Variants in DNAJC13 observed in about 807,000 individuals in gnomAD.
DNAJC13 encodes the protein DnaJ heat shock protein family (Hsp40) member C13, also known as dnaJ homolog subfamily C member 13.
In DNAJC13, 75 loss-of-function variants were observed where a neutral mutation model predicts 290.5. That is an observed-to-expected ratio of 0.26 (90% CI 0.21 to 0.31). The LOEUF (loss-of-function observed/expected upper bound fraction) is 0.31, where lower values mean the gene tolerates loss of function less well. Ranked by LOEUF, DNAJC13 falls within the 10% of genes least tolerant of loss-of-function variation. DNAJC13 has a pLI of 1.00. For missense variants in DNAJC13, 2,260 were observed against 2,674.5 expected (o/e 0.85, Z 3.42); for synonymous variants, 862 against 892.0 (o/e 0.97, Z 0.60).
chr3:132,528,344 T>C lies in DNAJC13; in HGVS notation c.6525+12T>C, dbSNP rs1229237363. 5 of 1,613,318 alleles carry C rather than the reference T, an allele frequency of 3.1e-6. No individual in the cohort carries two copies. The highest frequency in any genetic ancestry group is 4.2e-6 in the Non-Finnish European group (5 of 1,179,592). On this transcript the variant is annotated intron_variant, in intron 54 of 55. Coordinates refer to ENST00000260818, the MANE Select transcript of DNAJC13 (RefSeq NM_015268.4). ...AGTATGGAGAACAGGTGAGTCTGCA[T>C]AGAGTCAACTTTTGATATTCTAAAA... is the stretch of plus-strand genomic sequence containing the variant.
At chr3:132,521,519 C>T (rs950800821) in intron 48 of DNAJC13, among the ~76,000 whole-genome samples, 4 of 152,182 alleles carry the variant, frequency 2.6e-5, no homozygotes, top group Non-Finnish European at 1.5e-5. Flanking sequence ...TTTAGCTCCA[C>T]AGTGAAAAAA....
intron 54 of DNAJC13, 21 bp downstream of exon 54, chr3:132,528,353 C>A (rs1218086128): frequency 2.5e-6 from 4 of 1,612,134 alleles, no homozygotes. Context: ...ATAGAGTCAA[C>A]TTTTGATATT....
At chr3:132,422,086 A>G (rs1359424541) in intron 1 of DNAJC13, among the ~76,000 whole-genome samples, 1 of 151,224 alleles carries the variant, frequency 6.6e-6, no homozygotes, top group South Asian at 2.1e-4. Flanking sequence ...GCTGGAATGC[A>G]GTGACACGAT....
At chr3:132,419,723 A>G (rs1382526301) in intron 1 of DNAJC13, among the ~76,000 whole-genome samples, 3 of 152,246 alleles carry the variant, frequency 2.0e-5, no homozygotes, top group African/African-American at 7.2e-5. Context: ...GATAAACTGC[A>G]GCACAAATTT....
At chr3:132,513,785 T>A (rs1360725147) in intron 45 of DNAJC13, among the ~76,000 whole-genome samples, 2 of 152,154 alleles carry the variant, frequency 1.3e-5, no homozygotes, top group Admixed American at 1.3e-4. Flanking sequence ...CACAAGTAGT[T>A]CTTTGCCCAG....
At chr3:132,427,318 G>T (rs1399163782) in intron 1 of DNAJC13, among the ~76,000 whole-genome samples, 1 of 151,730 alleles carries the variant, frequency 6.6e-6, no homozygotes, top group Admixed American at 6.6e-5. Flanking sequence ...TGTATTTTTA[G>T]TAGAGACAGG....
intron 43 of DNAJC13, among the ~76,000 whole-genome samples, chr3:132,509,691 A>G (rs568872758): frequency 3.9e-5 from 6 of 152,330 alleles, no homozygotes; most frequent in African/African-American, 1.2e-4. Context: ...ACCTTCAGCA[A>G]CCACCACCCT....
intron 55 of DNAJC13, among the ~76,000 whole-genome samples, chr3:132,535,870 A>G (rs1936575612): frequency 6.6e-6 from 1 of 152,228 alleles, no homozygotes; most frequent in East Asian, 1.9e-4. Flanking sequence ...CCAAGAAACC[A>G]GACACATCCT....
At chr3:132,464,539 A>G (rs969219023) in intron 17 of DNAJC13, among the ~76,000 whole-genome samples, 2 of 152,206 alleles carry the variant, frequency 1.3e-5, no homozygotes, top group Non-Finnish European at 2.9e-5. Flanking sequence ...TTAGTTTGTT[A>G]CAATACTGTA....
rs1307272780 is a variant in DNAJC13, at chr3:132,447,363, G to C, written c.187G>C (p.Gly63Arg). The C allele has an allele frequency of 1.2e-6, 2 of 1,601,418 alleles. No homozygotes were observed. The highest frequency in any genetic ancestry group is 3.5e-5 in the Admixed American group (2 of 57,230). The change falls in exon 4 of 56, where the codon GGA becomes CGA. Residue 63 changes from glycine (G) to arginine (R), a missense_variant. Transcript: ENST00000260818. ...DICSISPVGK[G>R]QGTEFNLTFR... ...TTGCAGCATCAGCCCTGTTGGAAAAGGACAAGGAACGGAGTTCAACCTCAC... is the reference window on the plus strand; with the variant it reads ...TTGCAGCATCAGCCCTGTTGGAAAACGACAAGGAACGGAGTTCAACCTCAC...
rs1385634445 is a variant in DNAJC13 at position 132,482,311 on chromosome 3, G to C, written c.2960G>C (p.Gly987Ala). The change falls in exon 27 of 56, where the codon GGC (glycine) becomes GCC (alanine). Residue 987 changes from glycine to alanine, a missense_variant. Coordinates refer to ENST00000260818, the MANE Select transcript of DNAJC13 (RefSeq NM_015268.4). ...YFGNADKERS[G>A]PYGFHEMQEL... ...GGCAACGCAGACAAAGAAAGGAGTG[G>C]CCCGTATGGATTTCATGAGGTATGT... 6.2e-7 allele frequency: 1 copy of C among 1,613,622 alleles called. No homozygotes were observed. Among genetic ancestry groups the C allele is most frequent in the Admixed American group, 1.7e-5 (1 of 59,996 alleles).
intron 22 of DNAJC13, among the ~76,000 whole-genome samples, chr3:132,477,428 A>G (rs1294491242): frequency 6.6e-6 from 1 of 152,216 alleles, no homozygotes; most frequent in African/African-American, 2.4e-5. Flanking sequence ...CCAGGGATAG[A>G]GCTGTGGGAT....
Position 132,522,693 on chromosome 3 carries a change from T to G in DNAJC13, c.5674-135T>G. The G allele has an allele frequency of 5.7e-6, 4 of 698,686 alleles. No homozygotes were observed. The South Asian group carries it at 9.6e-5, about 17-fold the overall frequency. The allele number at this position is 698,686 out of a possible 1,614,324, so 43.3% of individuals were successfully genotyped here. A position where few individuals can be genotyped will look rare whatever the true frequency, so the allele number is the denominator to read the frequency against. On this transcript the variant is annotated intron_variant, in intron 48 of 55. Transcript: ENST00000260818. ...AGGATTATCTTTTTCACTCCAGAACTTTTAGGTAATGGTTATGGCCCACAT... is the reference window on the plus strand; with the variant it reads ...AGGATTATCTTTTTCACTCCAGAACGTTTAGGTAATGGTTATGGCCCACAT...
At chr3:132,491,547 C>T (rs1166587332) in intron 32 of DNAJC13, among the ~76,000 whole-genome samples, 2 of 151,988 alleles carry the variant, frequency 1.3e-5, no homozygotes, top group African/African-American at 4.8e-5. Flanking sequence ...GTTAGCATTC[C>T]TAAGGTATGT....
rs770715465 is a variant in DNAJC13 at position 132,526,244 on chromosome 3, G to A, written c.6344G>A (p.Arg2115Gln). The A allele has an allele frequency of 3.0e-5, 48 of 1,613,906 alleles. No individual in the cohort carries two copies. The highest frequency in any genetic ancestry group is 5.0e-5 in the Admixed American group (3 of 59,986). ...TVGLACEAIN[R>Q]MFQKEQSELV... ...GGTCTAGCCTGTGAAGCAATTAATC[G>A]AATGTTTCAGAAGGAGCAGAGTGAA... The change falls in exon 53 of 56, where the codon CGA (arginine) becomes CAA (glutamine). Residue 2115 changes from arginine to glutamine, a missense_variant. Physicochemically the swap from Arg to Gln is conservative, Grantham distance 43 (BLOSUM62 1). This residue lies in a region of DNAJC13 where 1,494 missense variants were observed against 1,693.7 expected (regional missense o/e 0.88). Coordinates refer to ENST00000260818, the MANE Select transcript of DNAJC13 (RefSeq NM_015268.4).
Position 132,434,636 on chromosome 3 carries a change from G to T in DNAJC13, c.68+18G>T, listed in dbSNP as rs749179677. 16 of 1,558,394 alleles carry T rather than the reference G, an allele frequency of 1.0e-5. No individual in the cohort carries two copies. Among genetic ancestry groups the T allele is most frequent in the South Asian group, 5.9e-5 (5 of 84,594 alleles). ...AGGGGGAAGTAAGTATTCTTGTTGGGTTTTTTTTTCTGTGCTTCTATAAAA... is the reference window on the plus strand; with the variant it reads ...AGGGGGAAGTAAGTATTCTTGTTGGTTTTTTTTTTCTGTGCTTCTATAAAA... On this transcript the variant is annotated intron_variant, in intron 2 of 55. Transcript: ENST00000260818.
chr3:132,456,203 T>C (rs775879512), intron 9 of DNAJC13, 32 bp from the exon 10 acceptor site: 24 of 1,603,586 alleles, frequency 1.5e-5, no homozygotes, highest in Non-Finnish European at 1.7e-5. Flanking sequence ...TCATCAATGC[T>C]AAAACCTTTT....
intron 2 of DNAJC13, among the ~76,000 whole-genome samples, chr3:132,434,936 A>G (rs1576458226): frequency 6.6e-6 from 1 of 152,220 alleles, no homozygotes; most frequent in African/African-American, 2.4e-5. Flanking sequence ...TGTTAACCCT[A>G]CATCTTTGTT....
chr3:132,466,968 A>G (rs1934015965), intron 19 of DNAJC13, among the ~76,000 whole-genome samples: 2 of 152,170 alleles, frequency 1.3e-5, no homozygotes, highest in African/African-American at 4.8e-5. Flanking sequence ...CACCCCTCAT[A>G]AAAGAATCAT....
Sources: gnomAD v4.1 joint callset for allele counts (sites outside exome capture counted in the v4.1 genomes callset) on GRCh38, gnomAD v4.1.1 for gene constraint, gnomAD v4.1.1 regional missense constraint, MANE v1.5 for transcripts, NCBI Gene and HGNC (gene_info 2026-07-23, HGNC 2026-07-21) for gene names.